UBE2E2: variants seen among roughly 807,000 people sequenced by gnomAD.
UBE2E2 encodes ubiquitin conjugating enzyme E2 E2, also known as ubiquitin-conjugating enzyme E2 E2.
A neutral mutation model predicts 24.7 loss-of-function variants in UBE2E2; 6 were observed. The ratio of observed to expected loss-of-function variants is 0.24; its 90% CI spans 0.13 to 0.48. The LOEUF (loss-of-function observed/expected upper bound fraction) is 0.48, where lower values mean the gene tolerates loss of function less well. Ranked by LOEUF, UBE2E2 falls within the 20% of genes least tolerant of loss-of-function variation. The pLI, the probability that UBE2E2 is intolerant of heterozygous loss-of-function variation, is 0.99. For missense variants in UBE2E2, 169 were observed against 245.0 expected (o/e 0.69, Z 2.07); for synonymous variants, 104 against 83.6 (o/e 1.24, Z -1.33).
chr3:23,495,024 C>T (rs1271988979), intron 3 of UBE2E2, among the ~76,000 whole-genome samples: 1 of 152,298 alleles, frequency 6.6e-6, no homozygotes, highest in East Asian at 1.9e-4. Flanking sequence ...ATCTGCCCGC[C>T]TCAGCCTCCC....
chr3:23,543,528 G>A (rs1695445567), intron 5 of UBE2E2, among the ~76,000 whole-genome samples: 1 of 144,712 alleles, frequency 6.9e-6, no homozygotes, highest in South Asian at 2.2e-4. Flanking sequence ...TGTCTGTGAG[G>A]AATACTACAA....
chr3:23,574,674 G>T (rs1247750092), intron 5 of UBE2E2, among the ~76,000 whole-genome samples: 2 of 152,126 alleles, frequency 1.3e-5, no homozygotes, highest in Non-Finnish European at 1.5e-5. Context: ...CTATAATCAT[G>T]CCTGTGATTA....
At chr3:23,565,169 A>T (rs1034204667) in intron 5 of UBE2E2, among the ~76,000 whole-genome samples, 7 of 152,118 alleles carry the variant, frequency 4.6e-5, no homozygotes, top group Non-Finnish European at 8.8e-5. Flanking sequence ...TCTCTTTGAA[A>T]ATGTGCATCC....
intron 3 of UBE2E2, among the ~76,000 whole-genome samples, chr3:23,305,791 A>ACTCCAG: frequency 6.6e-6 from 1 of 152,124 alleles, no homozygotes; most frequent in Non-Finnish European, 1.5e-5. Context: ...GTATAGTGGT[A>ACTCCAG]TAATCACAGC....
chr3:23,218,466 G>A (rs1223608202), intron 3 of UBE2E2, among the ~76,000 whole-genome samples: 1 of 152,026 alleles, frequency 6.6e-6, no homozygotes, highest in Admixed American at 6.5e-5. Flanking sequence ...ATGATTATAA[G>A]TGGATGGATT....
intron 3 of UBE2E2, among the ~76,000 whole-genome samples, chr3:23,348,347 C>CAAAAAAAAAAAAAAAAAAAA (rs35038477): frequency 1.7e-4 from 21 of 121,958 alleles, no homozygotes; most frequent in Non-Finnish European, 2.7e-4. Flanking sequence ...GTGCTGCTTT[C>CAAAAAAAAAAAAAAAAAAAA]AAAAAAAAAA....
Position 23,391,274 on chromosome 3 carries a change from T to C in UBE2E2, c.228-108334T>C, listed in dbSNP as rs550550457. On this transcript the variant is annotated intron_variant, in intron 3 of 5. Transcript: ENST00000396703. ...AGAAGTCAGCCTAAGTTGCCAGTTA[T>C]ATTAACTGCTACTTAAACTATACAT... Among the ~76,000 whole-genome samples, 180 of 152,348 alleles carry C rather than the reference T, an allele frequency of 1.2e-3. 1 individual carries two copies. Among genetic ancestry groups the C allele is most frequent in the Non-Finnish European group, 2.2e-3 (149 of 68,024 alleles).
intron 5 of UBE2E2, among the ~76,000 whole-genome samples, chr3:23,538,345 G>A (rs115437906): frequency 0.033 from 5,006 of 152,168 alleles, 130 homozygotes; most frequent in East Asian, 0.14. Flanking sequence ...ATATGGATGT[G>A]GAGAGACTCC....
At chr3:23,520,883 T>C (rs1446381324) in intron 4 of UBE2E2, among the ~76,000 whole-genome samples, 1 of 152,140 alleles carries the variant, frequency 6.6e-6, no homozygotes, top group African/African-American at 2.4e-5. Flanking sequence ...CCTCAAGTGA[T>C]CCCTGCTCCT....
At chr3:23,389,015 AAAAG>A (rs1394618431) in intron 3 of UBE2E2, among the ~76,000 whole-genome samples, 1 of 148,136 alleles carries the variant, frequency 6.8e-6, no homozygotes, top group African/African-American at 2.5e-5. Flanking sequence ...AAAAAAAAAA[AAAAG>A]AAAAAGAAAA....
Position 23,311,310 on chromosome 3 carries a change from A to G in UBE2E2, c.227+93998A>G, listed in dbSNP as rs909107464. ...CTTTGCTATTGTGAATAGTGCCGCA[A>G]TAAACATACGTGTGCATGTGTCTTT... On this transcript the variant is annotated intron_variant, in intron 3 of 5. Transcript: ENST00000396703. Among the ~76,000 whole-genome samples the G allele has an allele frequency of 8.5e-5, 13 of 152,358 alleles. No individual in the cohort carries two copies. The East Asian group carries it at 1.2e-3, about 14-fold the overall frequency.
chr3:23,538,895 T>G (rs114967040), intron 5 of UBE2E2, among the ~76,000 whole-genome samples: 2,161 of 152,324 alleles, frequency 0.014, 51 homozygotes, highest in African/African-American at 0.05. Flanking sequence ...AATAAACCAT[T>G]TCTTTAGTTG....
intron 3 of UBE2E2, among the ~76,000 whole-genome samples, chr3:23,372,778 T>C (rs1315024091): frequency 6.6e-6 from 1 of 152,192 alleles, no homozygotes; most frequent in Non-Finnish European, 1.5e-5. Flanking sequence ...GTTTAAAATA[T>C]ATAAGAACTA....
At chr3:23,377,424 G>T (rs1159057004) in intron 3 of UBE2E2, among the ~76,000 whole-genome samples, 1 of 152,152 alleles carries the variant, frequency 6.6e-6, no homozygotes, top group Admixed American at 6.5e-5. Context: ...TCACAATAAG[G>T]TTGGTATTAT....
chr3:23,511,829 C>G (rs1694600733), intron 4 of UBE2E2, among the ~76,000 whole-genome samples: 1 of 151,972 alleles, frequency 6.6e-6, no homozygotes, highest in Non-Finnish European at 1.5e-5. Flanking sequence ...AGGAAAAAAC[C>G]TCATTTGTTG....
intron 3 of UBE2E2, among the ~76,000 whole-genome samples, chr3:23,289,823 G>A (rs1396781401): frequency 4.6e-5 from 7 of 152,184 alleles, no homozygotes; most frequent in Admixed American, 6.5e-5. Context: ...TTTCATAATC[G>A]AGTTGTGGTA....
intron 4 of UBE2E2, among the ~76,000 whole-genome samples, chr3:23,515,417 G>A (rs932089472): frequency 8.6e-5 from 13 of 151,974 alleles, no homozygotes; most frequent in African/African-American, 2.7e-4. Context: ...TTATTTAGCT[G>A]GTCCATGATG....
chr3:23,368,100 G>A (rs1337677517), intron 3 of UBE2E2, among the ~76,000 whole-genome samples: 1 of 152,052 alleles, frequency 6.6e-6, no homozygotes, highest in Non-Finnish European at 1.5e-5. Context: ...GATTTCCTAT[G>A]TACTGTGTTT....
intron 5 of UBE2E2, among the ~76,000 whole-genome samples, chr3:23,546,122 C>G (rs934449512): frequency 1.3e-5 from 2 of 152,108 alleles, no homozygotes; most frequent in African/African-American, 4.8e-5. Flanking sequence ...ATCCATGTAA[C>G]CAGAAACCAC....
Sources: allele counts gnomAD v4.1 joint callset (sites outside exome capture counted in the v4.1 genomes callset), GRCh38; gene constraint gnomAD v4.1.1; transcripts MANE v1.5; gene names NCBI Gene and HGNC (gene_info 2026-07-23, HGNC 2026-07-21).